Variants in DOCK9 observed in about 807,000 individuals in gnomAD.
DOCK9 encodes dedicator of cytokinesis protein 9.
Under a neutral mutation model 263.3 loss-of-function variants are expected in DOCK9, and 89 were observed. The ratio of observed to expected loss-of-function variants is 0.34; its 90% confidence interval spans 0.28 to 0.40. DOCK9 has a LOEUF of 0.40. Ranked by LOEUF, DOCK9 falls within the 10% of genes least tolerant of loss-of-function variation. DOCK9 has a pLI of 1.00. For missense variants in DOCK9, 2,140 were observed against 2,603.4 expected, an observed-to-expected ratio of 0.82 and a Z score of 3.87; for synonymous variants, 976 against 973.1, an observed-to-expected ratio of 1.00 and a Z score of -0.06.
Position 98,846,045 on chromosome 13 carries a change from C to T in DOCK9, c.4077G>A (p.Leu1359=), listed in dbSNP as rs1245297497. The part of the protein sequence containing the change: ...KRYIARNQEG[L]GPIVHDRKSQ... ...ACTTTCGATCATGAACTATGGGTCC[C>T]AACCCCTCCTGGTTCCTGCAACATG... Residue 1359 remains leucine, a synonymous_variant, in exon 38 of 53, where the codon TTG becomes TTA. Transcript: ENST00000682017. 6.3e-7 allele frequency: 1 copy of T among 1,582,688 alleles called. No individual in the cohort carries two copies.
At chr13:98,951,886 T>C (rs1198555246) in intron 2 of DOCK9, among the ~76,000 whole-genome samples, 1 of 151,106 alleles carries the variant, frequency 6.6e-6, no homozygotes, top group Non-Finnish European at 1.5e-5. Context: ...ACATGTACTT[T>C]ACTTCATTAA....
chr13:98,911,874 CTTT>C (rs368270696), intron 9 of DOCK9, among the ~76,000 whole-genome samples: 2 of 142,100 alleles, frequency 1.4e-5, no homozygotes. Flanking sequence ...TAAAAAAACA[CTTT>C]TTTTTTTTTT....
intron 1 of DOCK9, among the ~76,000 whole-genome samples, chr13:98,984,128 G>A (rs773493254): frequency 6.6e-6 from 1 of 152,172 alleles, no homozygotes. Context: ...TCAGAAAAGG[G>A]ACCATTGGAA....
chr13:98,902,923 ACCTCTG>A (rs2048509143), intron 11 of DOCK9, 43 bp downstream of exon 11: 1 of 1,413,324 alleles, frequency 7.1e-7, no homozygotes, highest in Non-Finnish European at 9.2e-7. Context: ...TACATCTGAA[ACCTCTG>A]CCTATTTTTT....
intron 1 of DOCK9, among the ~76,000 whole-genome samples, chr13:99,044,144 C>T (rs533529645): frequency 2.6e-5 from 4 of 152,314 alleles, no homozygotes; most frequent in African/African-American, 7.2e-5. Context: ...ACTGCTCACG[C>T]GACACTGTTG....
At chr13:98,970,604 C>T (rs867868838) in intron 1 of DOCK9, among the ~76,000 whole-genome samples, 3 of 152,154 alleles carry the variant, frequency 2.0e-5, no homozygotes, top group Non-Finnish European at 4.4e-5. Flanking sequence ...TCCCCGGGAA[C>T]CTGGCAGAGC....
chr13:99,016,544 C>T (rs940295983), intron 1 of DOCK9, among the ~76,000 whole-genome samples: 1 of 152,208 alleles, frequency 6.6e-6, no homozygotes, highest in African/African-American at 2.4e-5. Context: ...GTCTCACAGT[C>T]AGCATGATTA....
At chr13:98,960,404 G>A (rs2058503475) in intron 1 of DOCK9, among the ~76,000 whole-genome samples, 1 of 152,168 alleles carries the variant, frequency 6.6e-6, no homozygotes, top group Non-Finnish European at 1.5e-5. Context: ...CTGGGTGACT[G>A]CTGCTTTTAT....
intron 1 of DOCK9, among the ~76,000 whole-genome samples, chr13:99,055,508 C>T (rs1041586725): frequency 1.3e-5 from 2 of 151,856 alleles, no homozygotes; most frequent in Non-Finnish European, 1.5e-5. Context: ...TGGAGGGGAC[C>T]GCAATGGGAG....
intron 1 of DOCK9, among the ~76,000 whole-genome samples, chr13:99,042,923 C>A (rs1273830718): frequency 6.6e-6 from 1 of 152,012 alleles, no homozygotes; most frequent in Non-Finnish European, 1.5e-5. Flanking sequence ...CCACTGAAAT[C>A]TTGCCTGAAA....
intron 2 of DOCK9, among the ~76,000 whole-genome samples, chr13:98,946,331 G>C (rs1467507359): frequency 6.6e-6 from 1 of 152,114 alleles, no homozygotes; most frequent in Non-Finnish European, 1.5e-5. Context: ...ACAGACAAAG[G>C]CTGTGGCGAT....
intron 1 of DOCK9, among the ~76,000 whole-genome samples, chr13:99,016,809 T>C (rs1198044935): frequency 6.6e-6 from 1 of 152,234 alleles, no homozygotes; most frequent in Non-Finnish European, 1.5e-5. Flanking sequence ...TAAAATCTGC[T>C]CTGATATTAT....
Position 98,868,015 on chromosome 13 carries a change from T to C in DOCK9, c.3091-4A>G. 10 of 1,612,888 alleles carry C rather than the reference T, an allele frequency of 6.2e-6. No homozygotes were observed. Among genetic ancestry groups the C allele is most frequent in the Non-Finnish European group, 8.5e-6 (10 of 1,179,474 alleles). On this transcript the variant is annotated splice_region_variant and splice_polypyrimidine_tract_variant and intron_variant, in intron 28 of 52. Transcript: ENST00000682017. ...TGTCCATGAAGGTGAAACATCTCTG[T>C]GGAGGAAAACAAGCAAAAAAGTTAT...
chr13:99,063,606 C>A (rs1222802082), intron 1 of DOCK9, among the ~76,000 whole-genome samples: 1 of 152,236 alleles, frequency 6.6e-6, no homozygotes, highest in Non-Finnish European at 1.5e-5. Flanking sequence ...ATACCTACAA[C>A]AGGACCTCTC....
At chr13:99,041,830 G>T (rs1888491003) in intron 1 of DOCK9, among the ~76,000 whole-genome samples, 1 of 152,212 alleles carries the variant, frequency 6.6e-6, no homozygotes, top group African/African-American at 2.4e-5. Flanking sequence ...CGCAGAGAAG[G>T]CCACGTGAAG....
chr13:98,797,753 C>T (rs1174589739), intron 50 of DOCK9, among the ~76,000 whole-genome samples: 1 of 152,138 alleles, frequency 6.6e-6, no homozygotes, highest in African/African-American at 2.4e-5. Context: ...AACTTAGGGG[C>T]CTGTTGAAGT....
At position 98,814,943 on chromosome 13, in the gene DOCK9, A is replaced by ATAACATAACATAACATAACATAAC. The variant is rs1566576506; in HGVS notation, c.5131-4653_5131-4652insGTTATGTTATGTTATGTTATGTTA. ...ACAGTCAGATTCTGTCTCAAAATAA[A>ATAACATAACATAACATAACATAAC]ATAAAATAAAATAAAATAAAATAAA... On this transcript the variant is annotated intron_variant, in intron 45 of 52. Transcript: ENST00000682017. Among the ~76,000 whole-genome samples the ATAACATAACATAACATAACATAAC allele has an allele frequency of 4.4e-3, 147 of 33,056 alleles. 6 individuals carry two copies. Among genetic ancestry groups the ATAACATAACATAACATAACATAAC allele is most frequent in the Non-Finnish European group, 4.2e-3 (56 of 13,278 alleles). The allele number at this position is 33,056 out of a possible 152,430, so 21.7% of individuals were successfully genotyped here.
Position 98,831,632 on chromosome 13 carries a change from C to T in DOCK9, c.4452+17G>A, listed in dbSNP as rs773319776. The stretch of plus-strand genomic sequence containing the variant: ...GAAGAAGGAAAACATCTAACCACTG[C>T]CCATGAAGCAACTTACCTTATAAAT... On this transcript the variant is annotated intron_variant, in intron 40 of 52. Coordinates refer to ENST00000682017, the MANE Select transcript of DOCK9 (RefSeq NM_001366683.2). 6.2e-7 allele frequency: 1 copy of T among 1,610,562 alleles called. No homozygotes were observed. Among genetic ancestry groups the T allele is most frequent in the South Asian group, 1.1e-5 (1 of 90,392 alleles).
At chr13:99,074,572 T>C (rs1296188741) in intron 1 of DOCK9, among the ~76,000 whole-genome samples, 1 of 152,192 alleles carries the variant, frequency 6.6e-6, no homozygotes, top group Admixed American at 6.5e-5. Flanking sequence ...AGTCATTTGG[T>C]TCCTGACTAG....
Sources: gnomAD v4.1 joint callset for allele counts (sites outside exome capture counted in the v4.1 genomes callset) on GRCh38, gnomAD v4.1.1 for gene constraint, MANE v1.5 for transcripts, NCBI Gene and HGNC (gene_info 2026-07-23, HGNC 2026-07-21) for gene names.